APC: variants seen among roughly 807,000 people sequenced by gnomAD.
APC encodes the protein APC regulator of Wnt signaling pathway, also known as adenomatous polyposis coli protein.
APC carries 72 observed loss-of-function variants against 247.0 expected under a neutral mutation model. That is an observed-to-expected ratio of 0.29 (90% confidence interval 0.24 to 0.35). APC has a LOEUF of 0.35. Among genes scored for constraint, APC ranks in the 10% least tolerant of loss-of-function variants. APC has a pLI of 1.00. For synonymous variants in APC, 1,254 were observed against 1,162.5 expected, an observed-to-expected ratio of 1.08 and a Z score of -1.60; for missense variants, 3,400 against 3,360.7, an observed-to-expected ratio of 1.01 and a Z score of -0.29.
At position 112,801,242 on chromosome 5, in the gene APC, A is replaced by G. The variant is rs368334167; in HGVS notation, c.730-37A>G. 1.9e-6 allele frequency: 3 copies of G among 1,571,332 alleles called. No individual in the cohort carries two copies. The African/African-American group carries it at 4.1e-5, about 21-fold the overall frequency. ...GCCTTGGGCTAAGAAAGCCTACACC[A>G]TTTTTGCATGTACTGATGTTAACTC... On this transcript the variant is annotated intron_variant, in intron 7 of 15. Coordinates refer to ENST00000257430, the MANE Select transcript of APC (RefSeq NM_000038.6).
intron 6 of APC, among the ~76,000 whole-genome samples, chr5:112,784,459 T>C (rs1272219609): frequency 2.0e-5 from 3 of 152,360 alleles, no homozygotes; most frequent in East Asian, 3.9e-4. Context: ...GCCTGTGCTC[T>C]ATGACCGTGT....
intron 6 of APC, among the ~76,000 whole-genome samples, chr5:112,786,165 A>G (rs1212476630): frequency 6.6e-6 from 1 of 152,134 alleles, no homozygotes; most frequent in African/African-American, 2.4e-5. Flanking sequence ...AGCAATCATA[A>G]TACACTACAG....
chr5:112,767,701 G>A (rs1756519368), intron 4 of APC, among the ~76,000 whole-genome samples: 1 of 151,964 alleles, frequency 6.6e-6, no homozygotes, highest in African/African-American at 2.4e-5. Flanking sequence ...CATGATCTCG[G>A]CTCACTGCAA....
At chr5:112,714,694 A>G (rs1185601608) in intron 1 of APC, among the ~76,000 whole-genome samples, 1 of 152,206 alleles carries the variant, frequency 6.6e-6, no homozygotes, top group Non-Finnish European at 1.5e-5. Flanking sequence ...TTTATTTAGT[A>G]TCACCACTAC....
At chr5:112,775,566 T>G in intron 4 of APC, 63 bp from the exon 5 acceptor site, 8 of 961,926 alleles carry the variant, frequency 8.3e-6, no homozygotes, top group South Asian at 5.7e-5. Context: ...ATGTAAGTAT[T>G]GCTCTTCTGC....
intron 8 of APC, among the ~76,000 whole-genome samples, chr5:112,813,127 C>T (rs1046904673): frequency 6.6e-6 from 1 of 152,168 alleles, no homozygotes; most frequent in Non-Finnish European, 1.5e-5. Context: ...TATATGGGGA[C>T]ACATTTTTTA....
At chr5:112,798,208 A>G (rs1760412809) in intron 7 of APC, among the ~76,000 whole-genome samples, 1 of 152,246 alleles carries the variant, frequency 6.6e-6, no homozygotes, top group South Asian at 2.1e-4. Flanking sequence ...TAAATAAACA[A>G]AATTTGTTAT....
At position 112,709,886 on chromosome 5, in the gene APC, C is replaced by G. The variant is rs1401303017; in HGVS notation, c.165+2004C>G. On this transcript the variant is annotated intron_variant, in intron 1 of 13. Transcript: ENST00000507379. Reference sequence around the variant, plus strand: ...TGCCATTGCACTCCAGTCTGGGTGACAGTAAGACCCTGTCTCCTAACAAAC... The same window carrying G: ...TGCCATTGCACTCCAGTCTGGGTGAGAGTAAGACCCTGTCTCCTAACAAAC... Among the ~76,000 whole-genome samples, 4 of 152,160 alleles carry G rather than the reference C, an allele frequency of 2.6e-5. No individual in the cohort carries two copies. In the East Asian group the frequency reaches 7.7e-4, roughly 29 times the overall value.
intron 2 of APC, among the ~76,000 whole-genome samples, chr5:112,758,305 TTTTG>T (rs369690395): frequency 4.2e-5 from 6 of 141,670 alleles, no homozygotes; most frequent in African/African-American, 9.7e-5. Context: ...AACTTGTTTT[TTTTG>T]TTTGTTTGTT....
chr5:112,756,357 T>TATA (rs1189312498), intron 2 of APC, among the ~76,000 whole-genome samples: 6 of 151,330 alleles, frequency 4.0e-5, no homozygotes, highest in African/African-American at 1.5e-4. Flanking sequence ...TAAGGTAGAC[T>TATA]ATAAACAAAC....
At chr5:112,784,534 T>TA (rs1260314764) in intron 6 of APC, among the ~76,000 whole-genome samples, 1 of 152,252 alleles carries the variant, frequency 6.6e-6, no homozygotes, top group African/African-American at 2.4e-5. Context: ...AGAATGTAGA[T>TA]ACATATTTTA....
chr5:112,845,731 C>G lies in APC; in HGVS notation c.*1605C>G. On this transcript the variant is annotated 3_prime_UTR_variant, in exon 16 of 16. Coordinates refer to ENST00000257430, the MANE Select transcript of APC (RefSeq NM_000038.6). ...CTTCCTGAAGGAAAATAAACTGACA[C>G]TTATTAACTAAGATAATTTACTTAA... The G allele has an allele frequency of 8.6e-6, 2 of 232,078 alleles. No individual in the cohort carries two copies. Among genetic ancestry groups the G allele is most frequent in the Non-Finnish European group, 8.5e-6 (1 of 117,356 alleles). 14.4% of individuals were successfully genotyped at this position (232,078 alleles called of 1,614,324 possible).
intron 1 of APC, among the ~76,000 whole-genome samples, chr5:112,714,930 C>T (rs967212173): frequency 6.6e-6 from 1 of 152,110 alleles, no homozygotes; most frequent in Admixed American, 6.5e-5. Flanking sequence ...TTTGTGCTTA[C>T]TACAGAAAGG....
In APC at chr5:112,765,399, C is replaced by T. The variant is rs141052926; in HGVS notation, c.136-927C>T. ...AAAGCGTTGAGGTTACAGGCATGAG[C>T]CACCATGAATGCTTACAATGTCACT... On this transcript the variant is annotated intron_variant, in intron 2 of 15. Coordinates refer to ENST00000257430, the MANE Select transcript of APC (RefSeq NM_000038.6). 5.9e-3 allele frequency among the ~76,000 whole-genome samples: 891 copies of T among 152,304 alleles called. 7 individuals carry two copies. Among genetic ancestry groups the T allele is most frequent in the Non-Finnish European group, 6.1e-3 (417 of 68,032 alleles).
Position 112,724,347 on chromosome 5 carries a change from A to C in APC, c.165+16465A>C, listed in dbSNP as rs1177328812. Reference sequence around the variant, plus strand: ...ACTTTGGGAGCATGGAGAAAAAAGCACCTGGCTGCTTAGGATAGGTATAGA... The same window carrying C: ...ACTTTGGGAGCATGGAGAAAAAAGCCCCTGGCTGCTTAGGATAGGTATAGA... On this transcript the variant is annotated intron_variant, in intron 1 of 13. Coordinates refer to the APC transcript ENST00000507379. Among the ~76,000 whole-genome samples the C allele has an allele frequency of 3.3e-5, 5 of 152,278 alleles. No homozygotes were observed. In the East Asian group the frequency reaches 7.7e-4, roughly 23 times the overall value.
rs149936049 is a variant in APC, at chr5:112,773,941, A to G, written c.423-1688A>G. Among the ~76,000 whole-genome samples the G allele has an allele frequency of 5.2e-3, 787 of 152,308 alleles. 4 individuals carry two copies. Among genetic ancestry groups the G allele is most frequent in the Non-Finnish European group, 9.4e-3 (640 of 68,018 alleles). ...AAAAAAACTAGACATGAAAAAGCAA[A>G]AAGTTGAATTAAACACTTAAATTGG... On this transcript the variant is annotated intron_variant, in intron 4 of 15. Coordinates refer to ENST00000257430, the MANE Select transcript of APC (RefSeq NM_000038.6).
At position 112,843,978 on chromosome 5, in the gene APC, C is replaced by T. The variant is rs1580693000; in HGVS notation, c.8384C>T (p.Ala2795Val). 1 of 1,602,450 alleles carries T rather than the reference C, an allele frequency of 6.2e-7. No homozygotes were observed. ...AACCCAAGCCCTAGGAAAAGCAGCG[C>T]AGATAGCACTTCAGCTCGGCCATCT... ...NYNPSPRKSSADSTSARPSQI... is the reference protein window; with the variant it reads ...NYNPSPRKSSVDSTSARPSQI... The change falls in exon 16 of 16, where the codon GCA becomes GTA. Residue 2795 changes from alanine to valine, a missense_variant. By Grantham distance (64) the Ala-to-Val change is moderately conservative (BLOSUM62 0). Transcript: ENST00000257430. The surrounding 1 kb of genome is among the most constrained non-coding windows in gnomAD (Gnocchi z 4.8).
At chr5:112,747,104 C>T (rs1314414505) in intron 1 of APC, among the ~76,000 whole-genome samples, 1 of 152,200 alleles carries the variant, frequency 6.6e-6, no homozygotes, top group African/African-American at 2.4e-5. Flanking sequence ...GCTTGGATTA[C>T]AGGCATGAGC....
intron 1 of APC, among the ~76,000 whole-genome samples, chr5:112,739,236 G>A (rs1581065329): frequency 6.6e-6 from 1 of 151,990 alleles, no homozygotes; most frequent in Non-Finnish European, 1.5e-5. Context: ...TTTTCATTGA[G>A]CTTTTTTTTC....
Sources: allele counts gnomAD v4.1 joint callset (sites outside exome capture counted in the v4.1 genomes callset), GRCh38; gene constraint gnomAD v4.1.1; non-coding constraint Gnocchi (gnomAD v3.1); transcripts MANE v1.5; gene names NCBI Gene and HGNC (gene_info 2026-07-23, HGNC 2026-07-21).